The following TOPAZ1 variants were observed in gnomAD, a reference collection of about 807,000 sequenced individuals.
The protein encoded by TOPAZ1 is testis and ovary specific TOPAZ 1.
In TOPAZ1, 66 loss-of-function variants were observed where a neutral mutation model predicts 172.2. The observed-to-expected ratio is 0.38, with a 90% CI of 0.31 to 0.47. The LOEUF is 0.47. Among genes scored for constraint, TOPAZ1 ranks in the 20% least tolerant of loss-of-function variants. The pLI is 0.99. For synonymous variants in TOPAZ1, 681 were observed against 683.9 expected (o/e 1.00, Z 0.07); for missense variants, 1,822 against 1,972.4 (o/e 0.92, Z 1.44).
chr3:44,287,375 AT>A lies in TOPAZ1; in HGVS notation c.3437-10del, dbSNP rs777986306. 1.4e-6 allele frequency: 2 copies of A among 1,405,994 alleles called. No individual in the cohort carries two copies. Among genetic ancestry groups the A allele is most frequent in the East Asian group, 2.7e-5 (1 of 37,118 alleles). The allele number at this position is 1,405,994 out of a possible 1,614,324, so 87.1% of individuals were successfully genotyped here. ...AGCAGCAAATGACTTTAGTATATAT[AT>A]TTTCATTTTCAGTAAACATATTTAT... On this transcript the variant is annotated splice_polypyrimidine_tract_variant and intron_variant, in intron 9 of 19. Transcript: ENST00000309765.
chr3:44,242,441 C>T, intron 1 of TOPAZ1, 42 bp downstream of exon 1: 1 of 1,532,596 alleles, frequency 6.5e-7, no homozygotes. Flanking sequence ...GCCCTTGTAC[C>T]TCAGCGTGCT....
chr3:44,270,932 TTA>T (rs1699889276), intron 8 of TOPAZ1, 122 bp downstream of exon 8: 5 of 884,072 alleles, frequency 5.7e-6, no homozygotes, highest in Non-Finnish European at 6.4e-6. Flanking sequence ...CTTTTGTTCT[TTA>T]TATAAATGGA....
In TOPAZ1 at chr3:44,253,468, G is replaced by C. The variant is rs142013418; in HGVS notation, c.2766-1500G>C. 1.1e-3 allele frequency among the ~76,000 whole-genome samples: 170 copies of C among 152,242 alleles called. 1 individual carries two copies. Among genetic ancestry groups the C allele is most frequent in the African/African-American group, 3.9e-3 (162 of 41,532 alleles). ...GAAGTGAATATTGGTTCATCAGATG[G>C]GGGTGAGGCAGAGGGAGGTGTTAAG... On this transcript the variant is annotated intron_variant, in intron 2 of 19. Transcript: ENST00000309765.
At chr3:44,302,218 G>A (rs557413077) in intron 12 of TOPAZ1, among the ~76,000 whole-genome samples, 2 of 152,208 alleles carry the variant, frequency 1.3e-5, no homozygotes, top group Non-Finnish European at 2.9e-5. Flanking sequence ...AGACCATTCT[G>A]GCTAACATGG....
rs556509663 is a variant in TOPAZ1 at position 44,315,525 on chromosome 3, G to A, written c.4307-5502G>A. On this transcript the variant is annotated intron_variant, in intron 16 of 19. Coordinates refer to ENST00000309765, the MANE Select transcript of TOPAZ1 (RefSeq NM_001145030.2). ...TGGGATTACAGGTGTGCACCACCAC[G>A]TCTGGCTATTTTTTTTTTTTTTTTT... Among the ~76,000 whole-genome samples the A allele has an allele frequency of 9.2e-5, 13 of 142,076 alleles. No individual in the cohort carries two copies. In the East Asian group the frequency reaches 2.0e-3, roughly 22 times the overall value. The allele number at this position is 142,076 out of a possible 152,430, so 93.2% of individuals were successfully genotyped here.
intron 4 of TOPAZ1, among the ~76,000 whole-genome samples, chr3:44,257,986 T>TA (rs965474047): frequency 1.3e-4 from 19 of 151,238 alleles, no homozygotes; most frequent in East Asian, 3.9e-4. Flanking sequence ...TTGATAATTC[T>TA]AAAAAAAAAC....
intron 15 of TOPAZ1, among the ~76,000 whole-genome samples, chr3:44,308,849 C>G (rs1486327520): frequency 6.6e-6 from 1 of 151,796 alleles, no homozygotes; most frequent in Non-Finnish European, 1.5e-5. Flanking sequence ...TAAACATATC[C>G]CTTTAAAAAT....
intron 11 of TOPAZ1, among the ~76,000 whole-genome samples, chr3:44,289,733 G>T (rs541695689): frequency 6.6e-6 from 1 of 152,074 alleles, no homozygotes; most frequent in Non-Finnish European, 1.5e-5. Context: ...CCTTGAAACA[G>T]GTAGCTTCTC....
At chr3:44,262,550 GTTTT>G in intron 5 of TOPAZ1, 67 bp downstream of exon 5, 1 of 840,166 alleles carries the variant, frequency 1.2e-6, no homozygotes, top group Non-Finnish European at 1.8e-6. Context: ...TCTTGAGTAT[GTTTT>G]TTATTCTCTG....
At chr3:44,326,475 T>A (rs949504664) in intron 18 of TOPAZ1, among the ~76,000 whole-genome samples, 6 of 152,224 alleles carry the variant, frequency 3.9e-5, no homozygotes, top group Non-Finnish European at 8.8e-5. Context: ...CTATTAAATC[T>A]TTTGCCCTTT....
intron 1 of TOPAZ1, 50 bp downstream of exon 1, chr3:44,242,449 G>C: frequency 6.6e-7 from 1 of 1,526,516 alleles, no homozygotes; most frequent in Non-Finnish European, 8.9e-7. Context: ...ACCTCAGCGT[G>C]CTCCATCTTT....
At chr3:44,246,003 T>G (rs1699560929) in intron 2 of TOPAZ1, among the ~76,000 whole-genome samples, 1 of 152,232 alleles carries the variant, frequency 6.6e-6, no homozygotes, top group South Asian at 2.1e-4. Context: ...AGCCTCCTTG[T>G]TCGATAAAAA....
At chr3:44,333,354 C>T (rs1700691347), downstream of TOPAZ1, among the ~76,000 whole-genome samples, 1 of 152,080 alleles carries the variant, frequency 6.6e-6, no homozygotes, top group African/African-American at 2.4e-5. Context: ...AACTGGGTGA[C>T]TATAACCTGC....
intron 4 of TOPAZ1, among the ~76,000 whole-genome samples, chr3:44,257,469 A>AGT (rs10523650): frequency 0.012 from 1,384 of 113,738 alleles, 12 homozygotes; most frequent in Admixed American, 0.019. Context: ...ATATATATAT[A>AGT]GTGTGTGTGT....
chr3:44,250,301 T>A (rs1030313865), intron 2 of TOPAZ1, among the ~76,000 whole-genome samples: 1 of 151,452 alleles, frequency 6.6e-6, no homozygotes, highest in Non-Finnish European at 1.5e-5. Flanking sequence ...TTTCTCTCCC[T>A]TATATATTGA....
intron 8 of TOPAZ1, among the ~76,000 whole-genome samples, chr3:44,271,111 C>T (rs1699891691): frequency 6.6e-6 from 1 of 152,076 alleles, no homozygotes; most frequent in Non-Finnish European, 1.5e-5. Context: ...GTGATGCTGT[C>T]AGTGTTCCCC....
chr3:44,241,946 G>C lies in TOPAZ1; in HGVS notation c.-108G>C, dbSNP rs977160855. The C allele has an allele frequency of 4.7e-5, 48 of 1,022,460 alleles. No individual in the cohort carries two copies. The highest frequency in any genetic ancestry group is 6.3e-5 in the Non-Finnish European group (45 of 713,638). The allele number at this position is 1,022,460 out of a possible 1,614,324, so 63.3% of individuals were successfully genotyped here. A position where few individuals can be genotyped will look rare whatever the true frequency, so the allele number is the denominator to read the frequency against. ...CCGGGCTGTGGTGACTGGCGGTGTG[G>C]GGTGGGTCAGAGGGCAGTAGGTACC... On this transcript the variant is annotated 5_prime_UTR_variant, in exon 1 of 20. Transcript: ENST00000309765.
chr3:44,331,214 A>C (rs1334100878), intron 19 of TOPAZ1, among the ~76,000 whole-genome samples: 4 of 152,202 alleles, frequency 2.6e-5, no homozygotes, highest in African/African-American at 9.7e-5. Flanking sequence ...TGGTGAAATC[A>C]ATTTAGGGTG....
intron 12 of TOPAZ1, among the ~76,000 whole-genome samples, chr3:44,299,313 A>G (rs570031013): frequency 2.0e-5 from 3 of 152,274 alleles, no homozygotes; most frequent in Admixed American, 2.0e-4. Context: ...ACACGTCTCA[A>G]AAGAAGACAT....
Sources: allele counts gnomAD v4.1 joint callset (sites outside exome capture counted in the v4.1 genomes callset), GRCh38; gene constraint gnomAD v4.1.1; transcripts MANE v1.5; gene names NCBI Gene and HGNC (gene_info 2026-07-23, HGNC 2026-07-21).